The following ZNF496 variants were observed in gnomAD, a reference collection of about 807,000 sequenced individuals.
ZNF496 encodes the protein zinc finger protein 496.
Under a neutral mutation model 58.9 loss-of-function variants are expected in ZNF496, and 11 were observed. The ratio of observed to expected loss-of-function variants is 0.19; its 90% CI spans 0.12 to 0.31. ZNF496 has a LOEUF of 0.31. ZNF496 is among the 10% of genes least tolerant of loss of function. The pLI, the probability that ZNF496 is intolerant of heterozygous loss-of-function variation, is 1.00. For synonymous variants in ZNF496, 338 were observed against 318.2 expected (o/e 1.06, Z -0.66); for missense variants, 660 against 783.0 (o/e 0.84, Z 1.88).
intron 6 of ZNF496, among the ~76,000 whole-genome samples, chr1:247,315,600 T>G (rs1028096553): frequency 2.0e-5 from 3 of 151,916 alleles, no homozygotes; most frequent in Non-Finnish European, 2.9e-5. Context: ...CGTCTGCATC[T>G]AACTGAAGAT....
At chr1:247,327,474 A>C (rs1660168153) in intron 5 of ZNF496, among the ~76,000 whole-genome samples, 1 of 152,236 alleles carries the variant, frequency 6.6e-6, no homozygotes, top group Non-Finnish European at 1.5e-5. Context: ...TGATACATTG[A>C]CTTCAGACTT....
intron 6 of ZNF496, among the ~76,000 whole-genome samples, chr1:247,317,291 C>T (rs1234241095): frequency 6.6e-6 from 1 of 152,086 alleles, no homozygotes; most frequent in Non-Finnish European, 1.5e-5. Context: ...AGCCAGCTAC[C>T]AAGAAATACC....
intron 6 of ZNF496, among the ~76,000 whole-genome samples, chr1:247,316,789 C>T (rs768776968): frequency 6.6e-5 from 10 of 152,180 alleles, no homozygotes; most frequent in African/African-American, 1.9e-4. Flanking sequence ...GAATCTGACA[C>T]GGCCACTTAG....
chr1:247,324,682 C>T (rs950789398), intron 5 of ZNF496, among the ~76,000 whole-genome samples: 31 of 152,072 alleles, frequency 2.0e-4, no homozygotes, highest in Non-Finnish European at 1.8e-4. Context: ...AATCATTTCA[C>T]AATGTGTATA....
At chr1:247,330,715 G>A (rs905714489) in intron 2 of ZNF496, among the ~76,000 whole-genome samples, 1 of 152,256 alleles carries the variant, frequency 6.6e-6, no homozygotes, top group Non-Finnish European at 1.5e-5. Context: ...TGATCCTTAG[G>A]ACCGGCAGTG....
At chr1:247,310,551 A>G in intron 6 of ZNF496, 95 bp from the exon 7 acceptor site, 1 of 1,499,320 alleles carries the variant, frequency 6.7e-7, no homozygotes, top group South Asian at 1.2e-5. Flanking sequence ...ACGCTGTAGG[A>G]CGGGCAGTTT....
intron 5 of ZNF496, among the ~76,000 whole-genome samples, chr1:247,327,172 C>T (rs1284325965): frequency 6.6e-6 from 1 of 152,150 alleles, no homozygotes; most frequent in Non-Finnish European, 1.5e-5. Flanking sequence ...TCAAGTGATT[C>T]TCCTGCCTCA....
chr1:247,331,520 C>T lies in ZNF496; in HGVS notation c.-242G>A, dbSNP rs1351585334. 2 of 152,270 alleles carry T rather than the reference C, an allele frequency of 1.3e-5. No homozygotes were observed. Among genetic ancestry groups the T allele is most frequent in the Non-Finnish European group, 2.9e-5 (2 of 68,112 alleles). The allele number at this position is 152,270 out of a possible 1,614,324, so 9.4% of individuals were successfully genotyped here. On this transcript the variant is annotated 5_prime_UTR_variant, in exon 2 of 10. Transcript: ENST00000682384. ...GGGCAGCCGTCCTCATCCTCCCAGC[C>T]CGCCCGGCCGGGCGTACTCGCTGAG...
At position 247,308,549 on chromosome 1, in the gene ZNF496, C is replaced by T; in HGVS notation, c.932G>A (p.Arg311Lys). ...SLQPFQVEERRKREELQVPEF... is the reference protein window; with the variant it reads ...SLQPFQVEERKKREELQVPEF... ...TGGCACCTGCAGCTCCTCACGTTTC[C>T]TTCTTTCTTCTACCTGGAATGGCTG... The change falls in exon 9 of 10, where the codon AGG becomes AAG. Residue 311 changes from arginine to lysine, a missense_variant. Coordinates refer to ENST00000682384, the MANE Select transcript of ZNF496 (RefSeq NM_032752.3). This position sits in a 1 kb window ranked among gnomAD's most constrained non-coding sequence, Gnocchi z 4.5. The T allele has an allele frequency of 1.2e-6, 2 of 1,614,170 alleles. No individual in the cohort carries two copies. The highest frequency in any genetic ancestry group is 1.7e-6 in the Non-Finnish European group (2 of 1,180,012).
Position 247,298,345 on chromosome 1 carries a change from A to G in ZNF496, c.*2174T>C, listed in dbSNP as rs1572065200. ...CAGAGGCTTTTTAATTATTTTTGAGACAGAGTCTCATTCTGTCACCTAGCT... is the reference window on the plus strand; with the variant it reads ...CAGAGGCTTTTTAATTATTTTTGAGGCAGAGTCTCATTCTGTCACCTAGCT... On this transcript the variant is annotated 3_prime_UTR_variant, in exon 10 of 10. Transcript: ENST00000682384. The G allele has an allele frequency of 1.3e-5, 2 of 152,198 alleles. No individual in the cohort carries two copies. The highest frequency in any genetic ancestry group is 2.1e-4 in the South Asian group (1 of 4,830). The allele number at this position is 152,198 out of a possible 1,614,324, so 9.4% of individuals were successfully genotyped here.
intron 9 of ZNF496, chr1:247,307,385 G>A: frequency 1.0e-6 from 1 of 985,458 alleles, no homozygotes; most frequent in Non-Finnish European, 1.2e-6. Context: ...AAACTCCTGT[G>A]TATAAATGAA....
rs1660219728 is a variant in ZNF496 at position 247,328,700 on chromosome 1, T to C, written c.557A>G (p.Gln186Arg). The C allele has an allele frequency of 6.3e-7, 1 of 1,595,802 alleles. No individual in the cohort carries two copies. The highest frequency in any genetic ancestry group is 8.5e-7 in the Non-Finnish European group (1 of 1,171,094). The stretch of plus-strand genomic sequence containing the variant: ...CTGCATACCTGGGTCCCCGCTGAGC[T>C]GGCTTGGTGGTCTGCTTGGGAGCCC... Reference protein sequence around the residue: ...CLGLPSRPPSQLSGDPVLQDA... With the variant: ...CLGLPSRPPSRLSGDPVLQDA... The change falls in exon 5 of 10, where the codon CAG becomes CGG. Residue 186 changes from glutamine to arginine, a missense_variant. Gln to Arg is a conservative substitution (Grantham distance 43). Transcript: ENST00000682384.
intron 6 of ZNF496, among the ~76,000 whole-genome samples, chr1:247,319,176 CA>C (rs1468007434): frequency 1.3e-5 from 2 of 152,050 alleles, no homozygotes; most frequent in South Asian, 2.1e-4. Flanking sequence ...TTTGTAGAGA[CA>C]AGGTTTCGCT....
intron 7 of ZNF496, chr1:247,310,056 C>T (rs185752406): frequency 5.7e-5 from 82 of 1,426,784 alleles, no homozygotes; most frequent in Non-Finnish European, 6.8e-5. Flanking sequence ...ACGGTAAGAA[C>T]GATGGAAGAG....
chr1:247,320,026 A>C (rs151088765), intron 6 of ZNF496, among the ~76,000 whole-genome samples: 1 of 152,236 alleles, frequency 6.6e-6, no homozygotes, highest in Non-Finnish European at 1.5e-5. Context: ...TATATTATGC[A>C]ATTATTAATC....
intron 6 of ZNF496, chr1:247,322,818 A>G (rs1660003019): frequency 7.7e-7 from 1 of 1,299,470 alleles, no homozygotes; most frequent in Non-Finnish European, 1.0e-6. Flanking sequence ...GTAAAATAAA[A>G]GAGCAGAGAG....
At position 247,329,164 on chromosome 1, in the gene ZNF496, T is replaced by G. The variant is rs1660236027; in HGVS notation, c.390+25A>C. On this transcript the variant is annotated intron_variant, in intron 4 of 9. Coordinates refer to ENST00000682384, the MANE Select transcript of ZNF496 (RefSeq NM_032752.3). This position sits in a 1 kb window ranked among gnomAD's most constrained non-coding sequence, Gnocchi z 5.5. ...TGTCTAAGTACCAGATCTCTACCCG[T>G]CCCAGCCCCACCTCTTCTACTCACC... 1 of 1,613,128 alleles carries G rather than the reference T, an allele frequency of 6.2e-7. No individual in the cohort carries two copies. The highest frequency in any genetic ancestry group is 8.5e-7 in the Non-Finnish European group (1 of 1,179,982).
intron 6 of ZNF496, among the ~76,000 whole-genome samples, chr1:247,318,084 T>C (rs775076946): frequency 5.9e-5 from 9 of 151,948 alleles, no homozygotes; most frequent in African/African-American, 2.2e-4. Context: ...CAAACCACAA[T>C]ATGAAATAAG....
At position 247,329,377 on chromosome 1, in the gene ZNF496, C is replaced by G. The variant is rs539020308; in HGVS notation, c.202G>C (p.Gly68Arg). 23 of 1,613,386 alleles carry G rather than the reference C, an allele frequency of 1.4e-5. No individual in the cohort carries two copies. Among genetic ancestry groups the G allele is most frequent in the Non-Finnish European group, 1.8e-5 (21 of 1,179,940 alleles). Reference sequence around the variant, plus strand: ...TGCCTCTCAGGCCGCAGCCAGCCCCCGCACAGGTCCCAGAGGCGCTGCAGG... The same window carrying G: ...TGCCTCTCAGGCCGCAGCCAGCCCCGGCACAGGTCCCAGAGGCGCTGCAGG... ...EALQRLWDLC[G>R]GWLRPERHTK... is the part of the protein sequence containing the mutation. Residue 68 changes from glycine to arginine, a missense_variant, in exon 4 of 10, where the codon GGG becomes CGG. Coordinates refer to ENST00000682384, the MANE Select transcript of ZNF496 (RefSeq NM_032752.3). This position sits in a 1 kb window ranked among gnomAD's most constrained non-coding sequence, Gnocchi z 5.5.
Sources: allele counts gnomAD v4.1 joint callset (sites outside exome capture counted in the v4.1 genomes callset), GRCh38; gene constraint gnomAD v4.1.1; non-coding constraint Gnocchi (gnomAD v3.1); transcripts MANE v1.5; gene names NCBI Gene and HGNC (gene_info 2026-07-23, HGNC 2026-07-21).